Variants in NEK10 observed in about 807,000 individuals in gnomAD.
The protein encoded by NEK10 is serine/threonine-protein kinase Nek10.
A neutral mutation model predicts 159.8 loss-of-function variants in NEK10; 122 were observed. The ratio of observed to expected loss-of-function variants is 0.76; its 90% CI spans 0.66 to 0.89. NEK10 has a LOEUF of 0.89. Among genes scored for constraint, NEK10 ranks in the 40% least tolerant of loss-of-function variants. The pLI is 0.00. For missense variants in NEK10, 1,342 were observed against 1,323.1 expected (o/e 1.01, Z -0.22); for synonymous variants, 466 against 457.1 (o/e 1.02, Z -0.25).
chr3:27,184,295 T>C (rs1018923675), intron 26 of NEK10, among the ~76,000 whole-genome samples: 6 of 152,208 alleles, frequency 3.9e-5, no homozygotes, highest in African/African-American at 1.4e-4. Flanking sequence ...TCATAGATAT[T>C]TTGTCATGGA....
intron 30 of NEK10, among the ~76,000 whole-genome samples, chr3:27,148,164 GAAGA>G (rs1199241750): frequency 6.6e-6 from 1 of 152,196 alleles, no homozygotes; most frequent in African/African-American, 2.4e-5. Context: ...ATCCCAGAGA[GAAGA>G]AAGAGGCCTC....
intron 25 of NEK10, among the ~76,000 whole-genome samples, chr3:27,192,596 GAAAAAA>G (rs35385101): frequency 7.4e-6 from 1 of 134,820 alleles, no homozygotes; most frequent in Non-Finnish European, 1.6e-5. Flanking sequence ...CTGGCAGGTG[GAAAAAA>G]AAAAAAAAAA....
At chr3:27,161,278 G>A (rs79851721) in intron 30 of NEK10, among the ~76,000 whole-genome samples, 2 of 152,262 alleles carry the variant, frequency 1.3e-5, no homozygotes, top group Non-Finnish European at 2.9e-5. Flanking sequence ...AATAACAGGA[G>A]CAGAGCATGG....
intron 23 of NEK10, among the ~76,000 whole-genome samples, chr3:27,248,779 T>C (rs1037107286): frequency 2.6e-5 from 4 of 152,202 alleles, no homozygotes; most frequent in African/African-American, 7.2e-5. Flanking sequence ...ACCTAACATA[T>C]GGTTTATCCT....
chr3:27,195,438 T>C (rs1489728404), intron 25 of NEK10, among the ~76,000 whole-genome samples: 1 of 152,244 alleles, frequency 6.6e-6, no homozygotes, highest in African/African-American at 2.4e-5. Flanking sequence ...CAGTTTTAAG[T>C]CAAATTTTCT....
At chr3:27,135,699 A>G (rs1453447987) in intron 31 of NEK10, among the ~76,000 whole-genome samples, 1 of 152,250 alleles carries the variant, frequency 6.6e-6, no homozygotes, top group Non-Finnish European at 1.5e-5. Context: ...ACTGCATAAG[A>G]GGATATTTCC....
intron 26 of NEK10, among the ~76,000 whole-genome samples, chr3:27,176,257 T>G (rs1032019830): frequency 2.4e-4 from 37 of 152,248 alleles, no homozygotes; most frequent in African/African-American, 7.5e-4. Flanking sequence ...CTCCTTGTTT[T>G]GTTGAAGTTA....
chr3:27,297,835 T>C (rs17317435), intron 13 of NEK10, among the ~76,000 whole-genome samples: 23,250 of 152,164 alleles, frequency 0.15, 2,030 homozygotes, highest in Non-Finnish European at 0.2. Flanking sequence ...CAGCCTTTGG[T>C]GGTATTTTGC....
chr3:27,214,570 T>C, intron 23 of NEK10, among the ~76,000 whole-genome samples: 1 of 152,024 alleles, frequency 6.6e-6, no homozygotes, highest in African/African-American at 2.4e-5. Context: ...TTTTCCTATT[T>C]TTGTTTAATT....
At position 27,207,870 on chromosome 3, in the gene NEK10, A is replaced by G. The variant is rs553563683; in HGVS notation, c.2091-5313T>C. Among the ~76,000 whole-genome samples the G allele has an allele frequency of 5.3e-5, 8 of 152,290 alleles. No individual in the cohort carries two copies. In the South Asian group the frequency reaches 1.7e-3, roughly 32 times the overall value. Reference sequence around the variant, plus strand: ...AGGAGGCAAAACTCTATCTAAACTCATGAGGATAAAATTCTGACCTGAGGT... The same window carrying G: ...AGGAGGCAAAACTCTATCTAAACTCGTGAGGATAAAATTCTGACCTGAGGT... On this transcript the variant is annotated intron_variant, in intron 23 of 35. Coordinates refer to ENST00000691995, the MANE Select transcript of NEK10 (RefSeq NM_001394966.1).
intron 1 of NEK10, among the ~76,000 whole-genome samples, chr3:27,359,201 CAA>C (rs5847459): frequency 5.9e-5 from 8 of 135,072 alleles, no homozygotes; most frequent in Non-Finnish European, 1.1e-4. Flanking sequence ...AACTCCATTT[CAA>C]AAAAAAAAAA....
chr3:27,144,937 G>C (rs888964974), intron 30 of NEK10, among the ~76,000 whole-genome samples: 1 of 151,908 alleles, frequency 6.6e-6, no homozygotes, highest in Non-Finnish European at 1.5e-5. Flanking sequence ...GGACAGGCTC[G>C]TCTTGAACTC....
intron 5 of NEK10, among the ~76,000 whole-genome samples, chr3:27,329,723 C>A (rs559716790): frequency 6.6e-6 from 1 of 152,266 alleles, no homozygotes; most frequent in Non-Finnish European, 1.5e-5. Flanking sequence ...TTTAAATGTG[C>A]ATTGATTAGT....
chr3:27,297,261 T>G, intron 13 of NEK10, 21 bp from the exon 14 acceptor site: 2 of 1,533,466 alleles, frequency 1.3e-6, no homozygotes, highest in South Asian at 1.1e-5. Flanking sequence ...AACAATCAAA[T>G]GCATAGTGTG....
intron 31 of NEK10, among the ~76,000 whole-genome samples, chr3:27,136,273 C>A (rs993217809): frequency 6.6e-6 from 1 of 151,700 alleles, no homozygotes; most frequent in African/African-American, 2.4e-5. Context: ...CCACCACGCC[C>A]GGCTAATTTT....
chr3:27,311,158 C>A (rs187854114), intron 8 of NEK10, 142 bp from the exon 9 acceptor site: 169 of 499,958 alleles, frequency 3.4e-4, no homozygotes, highest in Non-Finnish European at 4.9e-4. Context: ...GATGCAGGAG[C>A]AGCATGGCTA....
At chr3:27,120,972 T>A (rs1158848573) in intron 32 of NEK10, among the ~76,000 whole-genome samples, 2 of 152,216 alleles carry the variant, frequency 1.3e-5, no homozygotes, top group Non-Finnish European at 2.9e-5. Context: ...ATACTTTGTT[T>A]ATGAGTTAAA....
At chr3:27,196,930 GT>G (rs1949610926) in intron 25 of NEK10, among the ~76,000 whole-genome samples, 1 of 152,074 alleles carries the variant, frequency 6.6e-6, no homozygotes, top group East Asian at 1.9e-4. Context: ...ATGATCCAGT[GT>G]TTGTGGAATC....
intron 29 of NEK10, 94 bp downstream of exon 29, chr3:27,171,725 T>G: frequency 7.6e-7 from 1 of 1,319,714 alleles, no homozygotes; most frequent in Non-Finnish European, 1.1e-6. Context: ...CGCAGGCACA[T>G]GGAAACTTCT....
Sources: gnomAD v4.1 joint callset for allele counts (sites outside exome capture counted in the v4.1 genomes callset) on GRCh38, gnomAD v4.1.1 for gene constraint, MANE v1.5 for transcripts, NCBI Gene and HGNC (gene_info 2026-07-23, HGNC 2026-07-21) for gene names.